SPATA13: variants seen among roughly 807,000 people sequenced by gnomAD.
SPATA13 encodes spermatogenesis associated 13.
SPATA13 carries 50 observed loss-of-function variants against 104.0 expected under a neutral mutation model. The observed-to-expected ratio is 0.48, with a 90% CI of 0.38 to 0.61. SPATA13 has a LOEUF of 0.61. Among genes scored for constraint, SPATA13 ranks in the 20% least tolerant of loss-of-function variants. The pLI is 0.00. For missense variants in SPATA13, 1,524 were observed against 1,690.6 expected (o/e 0.90, Z 1.73); for synonymous variants, 606 against 667.5 (o/e 0.91, Z 1.42).
intron 3 of SPATA13, among the ~76,000 whole-genome samples, chr13:24,114,358 T>TGTGTGCCTGCATGTGTGCACATGCAC (rs1555262428): frequency 1.3e-5 from 2 of 148,710 alleles, no homozygotes; most frequent in Non-Finnish European, 3.0e-5. Context: ...AGTGTGCACG[T>TGTGTGCCTGCATGTGTGCACATGCAC]GTGTGCCTGC....
chr13:24,285,316 A>ACTG (rs1430472427), intron 5 of SPATA13, among the ~76,000 whole-genome samples: 1 of 152,152 alleles, frequency 6.6e-6, no homozygotes, highest in Admixed American at 6.6e-5. Flanking sequence ...AATGATCCAC[A>ACTG]CTGGAGGGAG....
chr13:24,064,545 C>T lies in SPATA13; in HGVS notation c.-112+46844C>T, dbSNP rs147584175. Among the ~76,000 whole-genome samples the T allele has an allele frequency of 2.5e-3, 388 of 152,216 alleles. 3 individuals are homozygous for T. The highest frequency in any genetic ancestry group is 1.0e-2 in the South Asian group (48 of 4,818). ...TAAAAGAGCCCCCAGAGAACTCCCA[C>T]GCCCTTATTGCCATGTGAGAACATA... On this transcript the variant is annotated intron_variant, in intron 3 of 14. Coordinates refer to the SPATA13 transcript ENST00000424834.
chr13:24,014,879 ATTTTT>A (rs10566756), intron 2 of SPATA13, among the ~76,000 whole-genome samples: 27 of 78,698 alleles, frequency 3.4e-4, no homozygotes, highest in South Asian at 2.0e-3. Flanking sequence ...CACTTTCTGG[ATTTTT>A]TTTTTTTTTT....
chr13:24,254,404 T>C (rs1873675937), intron 4 of SPATA13: 2 of 152,286 alleles, frequency 1.3e-5, no homozygotes, highest in South Asian at 4.1e-4. Context: ...CTTCAGAGCT[T>C]GCGTCCCATC....
chr13:24,299,452 T>G (rs886105711), intron 11 of SPATA13, among the ~76,000 whole-genome samples: 1 of 152,134 alleles, frequency 6.6e-6, no homozygotes, highest in South Asian at 2.1e-4. Flanking sequence ...TGTGTGTGGG[T>G]AGAAGCTTCA....
chr13:24,075,011 G>C (rs749073847), intron 3 of SPATA13, among the ~76,000 whole-genome samples: 3 of 152,166 alleles, frequency 2.0e-5, no homozygotes, highest in African/African-American at 7.2e-5. Flanking sequence ...CTGCAGTTTG[G>C]TTATGTTTTC....
chr13:24,291,971 T>G (rs1049370410), intron 9 of SPATA13, among the ~76,000 whole-genome samples: 2 of 151,320 alleles, frequency 1.3e-5, no homozygotes, highest in Non-Finnish European at 2.9e-5. Flanking sequence ...TTAGCCAGGA[T>G]GGTCTCGATC....
At chr13:24,178,824 A>G (rs561380976) in intron 1 of SPATA13, among the ~76,000 whole-genome samples, 18 of 152,170 alleles carry the variant, frequency 1.2e-4, no homozygotes, top group Non-Finnish European at 2.5e-4. Context: ...TATATAATTC[A>G]GTTGTTTTTA....
intron 4 of SPATA13, among the ~76,000 whole-genome samples, chr13:24,256,056 A>T (rs1873773489): frequency 6.6e-6 from 1 of 152,250 alleles, no homozygotes; most frequent in Non-Finnish European, 1.5e-5. Flanking sequence ...ACTCCAAAAA[A>T]GTTGGTGGGA....
In SPATA13 at chr13:24,137,945, T is replaced by A. The variant is rs147388514; in HGVS notation, c.-111-84874T>A. 4.0e-3 allele frequency among the ~76,000 whole-genome samples: 605 copies of A among 152,224 alleles called. 6 individuals are homozygous for A. Among genetic ancestry groups the A allele is most frequent in the African/African-American group, 0.014 (577 of 41,530 alleles). Reference sequence around the variant, plus strand: ...GATGTTTGATGACTGGTTGTTATTGTGTGTTCTTGAAATTTTACTCTGCAT... The same window carrying A: ...GATGTTTGATGACTGGTTGTTATTGAGTGTTCTTGAAATTTTACTCTGCAT... On this transcript the variant is annotated intron_variant, in intron 3 of 14. Coordinates refer to the SPATA13 transcript ENST00000424834.
chr13:24,142,388 G>A (rs1008487093), intron 3 of SPATA13, among the ~76,000 whole-genome samples: 3 of 152,114 alleles, frequency 2.0e-5, no homozygotes, highest in South Asian at 2.1e-4. Flanking sequence ...TTCTCCAAAT[G>A]TTATAGTTCT....
intron 1 of SPATA13, among the ~76,000 whole-genome samples, chr13:24,182,596 C>T (rs1868883675): frequency 6.6e-6 from 1 of 152,118 alleles, no homozygotes; most frequent in African/African-American, 2.4e-5. Context: ...GGTGAGGGCA[C>T]CAGGCCAGTC....
At chr13:24,188,002 A>T (rs1043419316) in intron 1 of SPATA13, among the ~76,000 whole-genome samples, 22 of 152,190 alleles carry the variant, frequency 1.4e-4, no homozygotes, top group Admixed American at 2.0e-4. Context: ...CCACATGGTT[A>T]GCTAAGTCAT....
chr13:24,142,623 C>T (rs1881798024), intron 3 of SPATA13, among the ~76,000 whole-genome samples: 1 of 152,114 alleles, frequency 6.6e-6, no homozygotes, highest in African/African-American at 2.4e-5. Flanking sequence ...GAGGTAATTA[C>T]TACTCTTCAA....
At chr13:24,157,849 G>A (rs1882310778), upstream of SPATA13, among the ~76,000 whole-genome samples, 2 of 152,108 alleles carry the variant, frequency 1.3e-5, no homozygotes, top group Non-Finnish European at 2.9e-5. Flanking sequence ...TCAAATCCTG[G>A]CTCCACTGCT....
At chr13:24,032,296 C>G (rs1877512194) in intron 3 of SPATA13, among the ~76,000 whole-genome samples, 1 of 152,192 alleles carries the variant, frequency 6.6e-6, no homozygotes, top group Non-Finnish European at 1.5e-5. Context: ...AGCCTGCTCT[C>G]TCTCCCCTAT....
intron 3 of SPATA13, among the ~76,000 whole-genome samples, chr13:24,118,978 T>C (rs1880945218): frequency 6.6e-6 from 1 of 151,656 alleles, no homozygotes; most frequent in Non-Finnish European, 1.5e-5. Context: ...TGATCTCGGC[T>C]TACTGCAACC....
In SPATA13 at chr13:24,294,804, G is replaced by A. The variant is rs777744409; in HGVS notation, c.3146G>A (p.Arg1049His). 116 of 1,611,266 alleles carry A rather than the reference G, an allele frequency of 7.2e-5. No individual in the cohort carries two copies. Among genetic ancestry groups the A allele is most frequent in the Non-Finnish European group, 8.2e-5 (96 of 1,177,646 alleles). ...MKNVACLINE[R>H]KRKLESIDKI... ...AATGTGGCCTGTCTGATCAACGAGC[G>A]CAAGCGCAAGCTGGAGAGCATCGAC... The change falls in exon 10 of 13, where the codon CGC (arginine) becomes CAC (histidine). Residue 1049 changes from arginine to histidine, a missense_variant. By Grantham distance (29) the Arg-to-His change is conservative. Around this residue, in one of 2 missense-constraint regions of SPATA13, gnomAD observed 435 missense variants for 554.8 expected, o/e 0.78. Coordinates refer to ENST00000382108, the MANE Select transcript of SPATA13 (RefSeq NM_001166271.3).
rs369116708 is a variant in SPATA13 at position 24,012,505 on chromosome 13, A to G, written c.-146-5162A>G. 1.9e-3 allele frequency among the ~76,000 whole-genome samples: 285 copies of G among 152,356 alleles called. 2 individuals are homozygous for G. The highest frequency in any genetic ancestry group is 6.5e-3 in the African/African-American group (269 of 41,584). On this transcript the variant is annotated intron_variant, in intron 2 of 14. Transcript: ENST00000424834. The stretch of plus-strand genomic sequence containing the variant: ...CTGTCTCCAAGGAGTGGGAGAGGAC[A>G]AGCATATGGCAATTTTGATAGGCTT...
Sources: gnomAD v4.1 joint callset for allele counts (sites outside exome capture counted in the v4.1 genomes callset) on GRCh38, gnomAD v4.1.1 for gene constraint, gnomAD v4.1.1 regional missense constraint, MANE v1.5 for transcripts, NCBI Gene and HGNC (gene_info 2026-07-23, HGNC 2026-07-21) for gene names.